Variants in ACSL1 observed in about 807,000 individuals in gnomAD.
ACSL1 encodes acyl-CoA synthetase long chain family member 1.
ACSL1 carries 41 observed loss-of-function variants against 98.4 expected under a neutral mutation model. The ratio of observed to expected loss-of-function variants is 0.42; its 90% CI spans 0.32 to 0.54. The LOEUF (loss-of-function observed/expected upper bound fraction) is 0.54. Ranked by LOEUF, ACSL1 falls within the 20% of genes least tolerant of loss-of-function variation. The probability of loss-of-function intolerance (pLI) is 0.13; values close to 1 mark genes in which losing one functional copy is unlikely to be tolerated. For missense variants in ACSL1, 734 were observed against 883.1 expected (o/e 0.83, Z 2.14); for synonymous variants, 316 against 322.7 (o/e 0.98, Z 0.22).
intron 7 of ACSL1, among the ~76,000 whole-genome samples, chr4:184,774,600 G>A (rs1451096589): frequency 6.6e-6 from 1 of 152,120 alleles, no homozygotes; most frequent in Non-Finnish European, 1.5e-5. Context: ...CTGCATTAGG[G>A]CAGTCTTGGT....
Position 184,765,980 on chromosome 4 carries a change from G to A in ACSL1, c.1270C>T (p.Leu424=). 1 of 1,613,754 alleles carries A rather than the reference G, an allele frequency of 6.2e-7. No homozygotes were observed. Among genetic ancestry groups the A allele is most frequent in the Non-Finnish European group, 8.5e-7 (1 of 1,179,850 alleles). ...ACCATCAGCCGGACTCTTCCGCCCA[G>A]GCTCGACTTTCAGGGAGGGAGAGTG... ...RLIFHKVQSS[L]GGRVRLMVTG... Residue 424 remains leucine (L), a synonymous_variant, in exon 14 of 21, where the codon CTG becomes TTG. Transcript: ENST00000281455.
rs770462420 is a variant in ACSL1, at chr4:184,825,261, A to G, written c.-33+655T>C. 612 of 985,192 alleles carry G rather than the reference A, an allele frequency of 6.2e-4. No individual in the cohort carries two copies. Among genetic ancestry groups the G allele is most frequent in the Non-Finnish European group, 7.2e-4 (594 of 829,880 alleles). 61.0% of individuals were successfully genotyped at this position (985,192 alleles called of 1,614,324 possible). On this transcript the variant is annotated intron_variant, in intron 1 of 20. Transcript: ENST00000281455. The surrounding 1 kb of genome is among the most constrained non-coding windows in gnomAD (Gnocchi z 4.7). ...TCTACGCTGCCAGGTGACAGACATC[A>G]TCTTTGCTTCTCAATTTCAAAAAAT...
chr4:184,814,402 T>C (rs1442673115), intron 1 of ACSL1, among the ~76,000 whole-genome samples: 4 of 151,344 alleles, frequency 2.6e-5, no homozygotes, highest in Admixed American at 2.0e-4. Context: ...AGGGAAAAGA[T>C]GGCCACACAA....
intron 3 of ACSL1, among the ~76,000 whole-genome samples, chr4:184,786,057 G>A (rs1279040892): frequency 6.6e-6 from 1 of 152,174 alleles, no homozygotes; most frequent in Non-Finnish European, 1.5e-5. Flanking sequence ...CCTACGATGG[G>A]AGGGTGTCCT....
At chr4:184,820,967 T>C (rs925488158) in intron 1 of ACSL1, 39 of 453,850 alleles carry the variant, frequency 8.6e-5, no homozygotes, top group Non-Finnish European at 1.6e-4. Context: ...GCACAGACCC[T>C]GAAGCCAGAC....
intron 17 of ACSL1, among the ~76,000 whole-genome samples, 199 bp from the exon 18 acceptor site, chr4:184,760,699 T>C (rs1561171123): frequency 6.6e-6 from 1 of 152,180 alleles, no homozygotes; most frequent in Non-Finnish European, 1.5e-5. Context: ...TCCAAGGCTA[T>C]TTGGCCAAGT....
chr4:184,819,508 T>G (rs1473023471), intron 1 of ACSL1, among the ~76,000 whole-genome samples: 1 of 152,080 alleles, frequency 6.6e-6, no homozygotes, highest in Non-Finnish European at 1.5e-5. Flanking sequence ...ATTTTCAGTG[T>G]CTTGATCTTA....
rs1579862901 is a variant in ACSL1 at position 184,773,536 on chromosome 4, T to G, written c.841+127A>C. The G allele has an allele frequency of 2.3e-6, 2 of 876,228 alleles. No individual in the cohort carries two copies. The highest frequency in any genetic ancestry group is 5.3e-5 in the East Asian group (2 of 37,676). The allele number at this position is 876,228 out of a possible 1,614,324, so 54.3% of individuals were successfully genotyped here. On this transcript the variant is annotated intron_variant, in intron 9 of 20. Transcript: ENST00000281455. The surrounding 1 kb of genome is among the most constrained non-coding windows in gnomAD (Gnocchi z 4.3). ...TTACAGAGCAACAAGAAGACAGCAC[T>G]TGAACCGCTTCCTTCTCTTCTGCTT... is the stretch of plus-strand genomic sequence containing the variant.
chr4:184,802,130 A>G (rs1208719804), intron 2 of ACSL1, among the ~76,000 whole-genome samples: 4 of 152,286 alleles, frequency 2.6e-5, no homozygotes, highest in Non-Finnish European at 5.9e-5. Flanking sequence ...CCTTCTAAAT[A>G]GAAATCAAGT....
intron 4 of ACSL1, among the ~76,000 whole-genome samples, chr4:184,781,342 G>T (rs1474128735): frequency 1.3e-5 from 2 of 150,326 alleles, no homozygotes; most frequent in Non-Finnish European, 3.0e-5. Context: ...GGATGATTAA[G>T]TAAATGATGG....
chr4:184,810,042 T>C (rs1771890071), intron 1 of ACSL1, among the ~76,000 whole-genome samples: 1 of 152,210 alleles, frequency 6.6e-6, no homozygotes, highest in Admixed American at 6.5e-5. Flanking sequence ...AGAACACATT[T>C]GAATGATATT....
At chr4:184,812,039 A>C (rs998565059) in intron 1 of ACSL1, 3 of 435,452 alleles carry the variant, frequency 6.9e-6, no homozygotes, top group Non-Finnish European at 6.1e-6. Flanking sequence ...GCGGTTCCAC[A>C]ACTACCCAGA....
At chr4:184,783,864 G>A (rs1766745938) in intron 4 of ACSL1, 63 bp downstream of exon 4, 3 of 1,447,472 alleles carry the variant, frequency 2.1e-6, no homozygotes, top group African/African-American at 1.4e-5. Flanking sequence ...CTCCAAGAAT[G>A]CACATACAGA....
intron 1 of ACSL1, chr4:184,813,559 G>A (rs552559643): frequency 7.0e-5 from 16 of 229,692 alleles, no homozygotes; most frequent in Admixed American, 4.6e-5. Flanking sequence ...AGGAAGAGTC[G>A]GAATTGTGTC....
chr4:184,762,508 G>A lies in ACSL1; in HGVS notation c.1537C>T (p.Pro513Ser). Residue 513 changes from proline to serine, a missense_variant, in exon 17 of 21, where the codon CCA becomes TCA. By Grantham distance (74) the Pro-to-Ser change is moderately conservative. Coordinates refer to ENST00000281455, the MANE Select transcript of ACSL1 (RefSeq NM_001995.5). Reference sequence around the variant, plus strand: ...TTCAAGTAGCCCTGAAATACATTTGGCCCTTTCACACACACCTAAAGAAAA... The same window carrying A: ...TTCAAGTAGCCCTGAAATACATTTGACCCTTTCACACACACCTAAAGAAAA... ...EGEGEVCVKGPNVFQGYLKDP... is the reference protein window; with the variant it reads ...EGEGEVCVKGSNVFQGYLKDP... The A allele has an allele frequency of 6.2e-7, 1 of 1,614,176 alleles. No homozygotes were observed. The highest frequency in any genetic ancestry group is 8.5e-7 in the Non-Finnish European group (1 of 1,180,010).
chr4:184,777,869 T>C (rs895888959), intron 5 of ACSL1, among the ~76,000 whole-genome samples: 8 of 152,208 alleles, frequency 5.3e-5, no homozygotes, highest in African/African-American at 1.9e-4. Flanking sequence ...GTGAGAGCGA[T>C]CTGACTGGCA....
chr4:184,799,930 C>T (rs1195231760), intron 2 of ACSL1, among the ~76,000 whole-genome samples: 1 of 152,124 alleles, frequency 6.6e-6, no homozygotes, highest in Non-Finnish European at 1.5e-5. Flanking sequence ...CTGGACAGAT[C>T]CAAACTTTCT....
Position 184,783,973 on chromosome 4 carries a change from C to G in ACSL1, c.329G>C (p.Gly110Ala). The G allele has an allele frequency of 6.2e-7, 1 of 1,613,672 alleles. No homozygotes were observed. The highest frequency in any genetic ancestry group is 8.5e-7 in the Non-Finnish European group (1 of 1,179,762). Residue 110 changes from glycine to alanine, a missense_variant, in exon 4 of 21, where the codon GGC becomes GCC. Gly to Ala is a moderately conservative substitution (Grantham distance 60). Coordinates refer to ENST00000281455, the MANE Select transcript of ACSL1 (RefSeq NM_001995.5). ...IQVSNNGPCL[G>A]SRKPDQPYEW... ...ATAGGGTTGGTCTGGTTTCCGAGAG[C>G]CTAAACAAGGGCCATTATCTAAAAA...
At chr4:184,771,943 A>T (rs1252022734) in intron 10 of ACSL1, among the ~76,000 whole-genome samples, 2 of 152,240 alleles carry the variant, frequency 1.3e-5, no homozygotes, top group Admixed American at 1.3e-4. Flanking sequence ...AAATTGTTAT[A>T]TTAATATAAT....
Sources: gnomAD v4.1 joint callset for allele counts (sites outside exome capture counted in the v4.1 genomes callset) on GRCh38, gnomAD v4.1.1 for gene constraint, Gnocchi (gnomAD v3.1) non-coding constraint, MANE v1.5 for transcripts, NCBI Gene and HGNC (gene_info 2026-07-23, HGNC 2026-07-21) for gene names.